The following ZNF804B variants were observed in gnomAD, a reference collection of about 807,000 sequenced individuals.
The protein encoded by ZNF804B is zinc finger 804B.
Under a neutral mutation model 101.4 loss-of-function variants are expected in ZNF804B, and 80 were observed. That is an observed-to-expected ratio of 0.79 (90% CI 0.66 to 0.95). The LOEUF is 0.95. ZNF804B is among the 40% of genes least tolerant of loss of function. ZNF804B has a pLI of 0.00. For synonymous variants in ZNF804B, 622 were observed against 558.8 expected, an observed-to-expected ratio of 1.11 and a Z score of -1.59; for missense variants, 1,673 against 1,561.9, an observed-to-expected ratio of 1.07 and a Z score of -1.20.
At chr7:88,991,579 T>C (rs75607897) in intron 1 of ZNF804B, among the ~76,000 whole-genome samples, 3,449 of 152,258 alleles carry the variant, frequency 0.023, 136 homozygotes, top group African/African-American at 0.078. Context: ...TCCAGGAATC[T>C]AACCTACAAC....
At chr7:89,031,710 C>G (rs1185471596) in intron 1 of ZNF804B, among the ~76,000 whole-genome samples, 1 of 150,366 alleles carries the variant, frequency 6.7e-6, no homozygotes, top group Non-Finnish European at 1.5e-5. Flanking sequence ...ATAACTAATA[C>G]CCAAGTCCCT....
intron 1 of ZNF804B, among the ~76,000 whole-genome samples, chr7:89,195,629 C>T (rs1172783200): frequency 6.6e-6 from 1 of 151,592 alleles, no homozygotes; most frequent in East Asian, 1.9e-4. Flanking sequence ...ATCCAACTTA[C>T]AGGGGATGTG....
At chr7:89,220,614 A>G (rs1356311577) in intron 2 of ZNF804B, among the ~76,000 whole-genome samples, 2 of 151,934 alleles carry the variant, frequency 1.3e-5, no homozygotes, top group Non-Finnish European at 2.9e-5. Flanking sequence ...ATCTAAAAGT[A>G]TTTCAAGATA....
intron 1 of ZNF804B, among the ~76,000 whole-genome samples, chr7:88,869,882 C>T (rs1164998924): frequency 1.3e-5 from 2 of 152,160 alleles, no homozygotes; most frequent in African/African-American, 4.8e-5. Context: ...CCTAGGTTTC[C>T]CTTGCATTTG....
chr7:89,239,336 C>T (rs992777688), intron 2 of ZNF804B, among the ~76,000 whole-genome samples: 1 of 152,116 alleles, frequency 6.6e-6, no homozygotes, highest in African/African-American at 2.4e-5. Flanking sequence ...GAACTCTTCT[C>T]CCTCTCTTTG....
intron 1 of ZNF804B, among the ~76,000 whole-genome samples, chr7:89,079,186 T>G (rs917315304): frequency 6.6e-6 from 1 of 152,070 alleles, no homozygotes; most frequent in Non-Finnish European, 1.5e-5. Flanking sequence ...AGGGATAAGA[T>G]AACATGAGGT....
At chr7:88,947,996 T>C (rs1793161977) in intron 1 of ZNF804B, among the ~76,000 whole-genome samples, 2 of 151,996 alleles carry the variant, frequency 1.3e-5, no homozygotes, top group Admixed American at 1.3e-4. Flanking sequence ...TGTAGTGTGC[T>C]ACAAGTGATA....
In ZNF804B at chr7:89,300,346, C is replaced by G. The variant is rs141341999; in HGVS notation, c.250-26998C>G. Among the ~76,000 whole-genome samples the G allele has an allele frequency of 2.8e-3, 424 of 151,778 alleles. 2 individuals are homozygous for G. Among genetic ancestry groups the G allele is most frequent in the African/African-American group, 9.7e-3 (404 of 41,452 alleles). ...AAATGTCCTTCTCTTCCATGTGAAT[C>G]TTTGTGTATGCCCTCTTTTTTTTTT... On this transcript the variant is annotated intron_variant, in intron 2 of 3. Coordinates refer to ENST00000333190, the MANE Select transcript of ZNF804B (RefSeq NM_181646.5).
intron 2 of ZNF804B, among the ~76,000 whole-genome samples, chr7:89,303,235 T>G (rs754091386): frequency 6.6e-6 from 1 of 151,986 alleles, no homozygotes; most frequent in Non-Finnish European, 1.5e-5. Flanking sequence ...ATTGCTGGCA[T>G]GAAGACATTC....
chr7:88,954,659 G>T (rs918879806), intron 1 of ZNF804B, among the ~76,000 whole-genome samples: 1 of 151,526 alleles, frequency 6.6e-6, no homozygotes, highest in Admixed American at 6.6e-5. Context: ...TAAAAAAGGG[G>T]CAACATTTAA....
At chr7:89,119,503 C>T (rs1170183638) in intron 1 of ZNF804B, among the ~76,000 whole-genome samples, 1 of 152,136 alleles carries the variant, frequency 6.6e-6, no homozygotes, top group Non-Finnish European at 1.5e-5. Context: ...ATTTGCTTTG[C>T]TTTTCTCCGT....
Position 88,776,560 on chromosome 7 carries a change from G to GTT in ZNF804B, c.108+16496_108+16497dup, listed in dbSNP as rs57733765. Among the ~76,000 whole-genome samples the GTT allele has an allele frequency of 1.1e-3, 84 of 75,100 alleles. 1 individual carries two copies. Among genetic ancestry groups the GTT allele is most frequent in the East Asian group, 3.6e-3 (7 of 1,942 alleles). 49.3% of individuals were successfully genotyped at this position (75,100 alleles called of 152,430 possible). On this transcript the variant is annotated intron_variant, in intron 1 of 3. Coordinates refer to ENST00000333190, the MANE Select transcript of ZNF804B (RefSeq NM_181646.5). ...GCTTTTCTATTTCTCGTGGTGTTTT[G>GTT]TTTTTTTTTTTTTTTTTTTTTCAGA...
intron 2 of ZNF804B, among the ~76,000 whole-genome samples, chr7:89,246,779 G>A (rs1229609101): frequency 1.3e-5 from 2 of 152,256 alleles, no homozygotes; most frequent in South Asian, 4.1e-4. Flanking sequence ...AGATTGTGGT[G>A]CAATAGGACC....
chr7:88,931,947 G>A (rs1792893056), intron 1 of ZNF804B, among the ~76,000 whole-genome samples: 1 of 151,628 alleles, frequency 6.6e-6, no homozygotes. Context: ...GTGTATATAG[G>A]AGAGGAAAAA....
Position 89,218,234 on chromosome 7 carries a change from A to G in ZNF804B, c.188A>G (p.Gln63Arg), listed in dbSNP as rs931660793. The change falls in exon 2 of 4, where the codon CAG becomes CGG. Residue 63 changes from glutamine to arginine, a missense_variant. Physicochemically the swap from Gln to Arg is conservative, Grantham distance 43 (BLOSUM62 1). Coordinates refer to ENST00000333190, the MANE Select transcript of ZNF804B (RefSeq NM_181646.5). Reference protein sequence around the residue: ...ANFYCELCDKQYHKHQEFDNH... With the variant: ...ANFYCELCDKRYHKHQEFDNH... ...TTTTACTGTGAATTATGTGACAAGC[A>G]GTATCACAAACACCAGGAGTTTGAC... is the stretch of plus-strand genomic sequence containing the variant. 1.2e-6 allele frequency: 2 copies of G among 1,613,798 alleles called. No homozygotes were observed. Among genetic ancestry groups the G allele is most frequent in the South Asian group, 1.1e-5 (1 of 91,066 alleles).
rs1385799464 is a variant in ZNF804B, at chr7:89,084,760, A to G, written c.109-133395A>G. ...ATTTAACTACCTACATAGATATAAA[A>G]CAAACCATCTTCTTTAAAACAAATG... On this transcript the variant is annotated intron_variant, in intron 1 of 3. Transcript: ENST00000333190. Among the ~76,000 whole-genome samples the G allele has an allele frequency of 2.0e-5, 3 of 152,106 alleles. No individual in the cohort carries two copies. In the East Asian group the frequency reaches 5.8e-4, roughly 29 times the overall value.
At chr7:88,992,902 T>C (rs1006119969) in intron 1 of ZNF804B, among the ~76,000 whole-genome samples, 1 of 151,918 alleles carries the variant, frequency 6.6e-6, no homozygotes, top group East Asian at 1.9e-4. Context: ...CACAGTTACC[T>C]GTGAGGAGAT....
At chr7:88,770,067 T>C (rs1790039659) in intron 1 of ZNF804B, among the ~76,000 whole-genome samples, 1 of 152,220 alleles carries the variant, frequency 6.6e-6, no homozygotes, top group Non-Finnish European at 1.5e-5. Context: ...ATTCTTTGCC[T>C]TATTTATAGA....
intron 1 of ZNF804B, among the ~76,000 whole-genome samples, chr7:89,201,029 T>A (rs559260866): frequency 6.6e-6 from 1 of 152,082 alleles, no homozygotes; most frequent in East Asian, 1.9e-4. Flanking sequence ...TCTGAGCTTT[T>A]GCTGACACTC....
Sources: allele counts gnomAD v4.1 joint callset (sites outside exome capture counted in the v4.1 genomes callset), GRCh38; gene constraint gnomAD v4.1.1; transcripts MANE v1.5; gene names NCBI Gene and HGNC (gene_info 2026-07-23, HGNC 2026-07-21).